Variants in ARHGAP26 observed in about 807,000 individuals in gnomAD.
The protein encoded by ARHGAP26 is Rho GTPase activating protein 26, also known as rho GTPase-activating protein 26.
A neutral mutation model predicts 104.8 loss-of-function variants in ARHGAP26; 38 were observed. The observed-to-expected ratio is 0.36, with a 90% confidence interval of 0.28 to 0.48. ARHGAP26 has a LOEUF of 0.48. ARHGAP26 is among the 20% of genes least tolerant of loss of function. The pLI, the probability that ARHGAP26 is intolerant of heterozygous loss-of-function variation, is 0.99. For synonymous variants in ARHGAP26, 341 were observed against 340.0 expected (o/e 1.00, Z -0.03); for missense variants, 704 against 947.9 (o/e 0.74, Z 3.38).
intron 1 of ARHGAP26, among the ~76,000 whole-genome samples, chr5:142,822,978 A>G (rs1766488027): frequency 6.6e-6 from 1 of 152,256 alleles, no homozygotes; most frequent in Non-Finnish European, 1.5e-5. Flanking sequence ...TTATTGAAAT[A>G]TGAATGATGT....
chr5:143,192,330 A>G (rs1806066107), intron 20 of ARHGAP26, among the ~76,000 whole-genome samples: 1 of 152,230 alleles, frequency 6.6e-6, no homozygotes, highest in South Asian at 2.1e-4. Flanking sequence ...TCAGATGGGA[A>G]CAGCAGCACC....
chr5:142,805,087 TC>T (rs1762742361), intron 1 of ARHGAP26, among the ~76,000 whole-genome samples: 2 of 152,014 alleles, frequency 1.3e-5, no homozygotes, highest in African/African-American at 4.8e-5. Context: ...TTTTTCTTTT[TC>T]TTTTTTTCCT....
In ARHGAP26 at chr5:142,785,047, C is replaced by T. The variant is rs576772979; in HGVS notation, c.154+14132C>T. Among the ~76,000 whole-genome samples, 12 of 151,604 alleles carry T rather than the reference C, an allele frequency of 7.9e-5. No homozygotes were observed. In the South Asian group the frequency reaches 2.5e-3, roughly 32 times the overall value. On this transcript the variant is annotated intron_variant, in intron 1 of 22. Coordinates refer to ENST00000645722, the MANE Select transcript of ARHGAP26 (RefSeq NM_001135608.3). ...CTGAGTTCATGCCATTCTCTTGCCT[C>T]AGCCTCCCAAGTAGCTGGGTCTACA...
At position 143,136,059 on chromosome 5, in the gene ARHGAP26, G is replaced by A. The variant is rs3776290; in HGVS notation, c.1837+1954G>A. On this transcript the variant is annotated intron_variant, in intron 19 of 22. Transcript: ENST00000645722. ...TAATGTTTTGTACTTATCAGTGTAC[G>A]GTGTAGATTAGGAGAGGCTAGACAG... Among the ~76,000 whole-genome samples, 587 of 152,308 alleles carry A rather than the reference G, an allele frequency of 3.9e-3. 23 individuals are homozygous for A. The East Asian group carries it at 0.083, about 22-fold the overall frequency.
At chr5:142,976,389 C>T (rs1003885221) in intron 11 of ARHGAP26, among the ~76,000 whole-genome samples, 44 of 152,150 alleles carry the variant, frequency 2.9e-4, no homozygotes, top group African/African-American at 1.1e-3. Flanking sequence ...CAGGGGTTAT[C>T]GGCTAAAGGA....
chr5:142,811,469 G>T (rs148650832), intron 1 of ARHGAP26, among the ~76,000 whole-genome samples: 4 of 152,270 alleles, frequency 2.6e-5, no homozygotes, highest in Non-Finnish European at 4.4e-5. Flanking sequence ...TCCAATCCTG[G>T]CCTGTCCGTC....
At chr5:142,856,801 T>A (rs960817933) in intron 1 of ARHGAP26, among the ~76,000 whole-genome samples, 1 of 152,238 alleles carries the variant, frequency 6.6e-6, no homozygotes, top group African/African-American at 2.4e-5. Flanking sequence ...ATGCAAATAC[T>A]ATGCCATTTT....
At chr5:143,012,402 C>T (rs79037913) in intron 11 of ARHGAP26, among the ~76,000 whole-genome samples, 2,740 of 149,662 alleles carry the variant, frequency 0.018, 50 homozygotes, top group African/African-American at 0.048. Flanking sequence ...AGCCATTCTC[C>T]GTCATATTTC....
intron 17 of ARHGAP26, among the ~76,000 whole-genome samples, chr5:143,058,663 C>T (rs907183922): frequency 1.1e-4 from 16 of 152,222 alleles, no homozygotes; most frequent in Admixed American, 2.0e-4. Flanking sequence ...CTTTGCTATG[C>T]CATTAGGGTA....
intron 10 of ARHGAP26, among the ~76,000 whole-genome samples, chr5:142,928,231 G>GT (rs369377056): frequency 0.05 from 6,546 of 130,072 alleles, 211 homozygotes; most frequent in Middle Eastern, 0.1. Flanking sequence ...GTGTGTGTGT[G>GT]TTTTTTTTTT....
At chr5:143,078,358 C>A (rs1789335673) in intron 17 of ARHGAP26, among the ~76,000 whole-genome samples, 1 of 152,156 alleles carries the variant, frequency 6.6e-6, no homozygotes, top group Non-Finnish European at 1.5e-5. Context: ...TGTCTCCTGT[C>A]TAACTCTAGT....
chr5:142,928,434 C>CT (rs1436186368), intron 10 of ARHGAP26, among the ~76,000 whole-genome samples: 16 of 152,220 alleles, frequency 1.1e-4, no homozygotes, highest in African/African-American at 3.6e-4. Context: ...TTACAGAGCT[C>CT]TTTATCATTC....
intron 11 of ARHGAP26, among the ~76,000 whole-genome samples, chr5:143,000,870 C>A (rs759089153): frequency 6.6e-6 from 1 of 152,012 alleles, no homozygotes; most frequent in African/African-American, 2.4e-5. Context: ...CACACCAGGG[C>A]CTGTTGGGGG....
intron 17 of ARHGAP26, among the ~76,000 whole-genome samples, chr5:143,119,949 A>G (rs1049703465): frequency 6.6e-6 from 1 of 152,110 alleles, no homozygotes; most frequent in African/African-American, 2.4e-5. Flanking sequence ...CATTTATAGA[A>G]TTGTGTGAAA....
intron 10 of ARHGAP26, among the ~76,000 whole-genome samples, chr5:142,931,046 T>C (rs1469956692): frequency 6.6e-6 from 1 of 152,214 alleles, no homozygotes; most frequent in Non-Finnish European, 1.5e-5. Context: ...TAGTTCTTGC[T>C]CAGTGGACCT....
At chr5:143,018,995 GT>G (rs1779947350) in intron 12 of ARHGAP26, among the ~76,000 whole-genome samples, 1 of 152,116 alleles carries the variant, frequency 6.6e-6, no homozygotes, top group Admixed American at 6.5e-5. Flanking sequence ...GACCACCAGT[GT>G]TTTTTATTAG....
chr5:142,858,527 G>T (rs1752783305), intron 1 of ARHGAP26, among the ~76,000 whole-genome samples: 1 of 152,244 alleles, frequency 6.6e-6, no homozygotes, highest in South Asian at 2.1e-4. Context: ...AGAAAAAGGG[G>T]ATTGCAGGGT....
intron 17 of ARHGAP26, among the ~76,000 whole-genome samples, chr5:143,089,065 A>G (rs1242178328): frequency 1.3e-5 from 2 of 152,244 alleles, no homozygotes; most frequent in African/African-American, 4.8e-5. Flanking sequence ...AAGGCAAATA[A>G]TTGAACATAC....
At chr5:143,150,371 T>C (rs1259190286) in intron 20 of ARHGAP26, among the ~76,000 whole-genome samples, 1 of 152,212 alleles carries the variant, frequency 6.6e-6, no homozygotes, top group Admixed American at 6.5e-5. Context: ...GCAGTGCTAA[T>C]GGGGACTTAC....
Sources: gnomAD v4.1 joint callset for allele counts (sites outside exome capture counted in the v4.1 genomes callset) on GRCh38, gnomAD v4.1.1 for gene constraint, MANE v1.5 for transcripts, NCBI Gene and HGNC (gene_info 2026-07-23, HGNC 2026-07-21) for gene names.